The following ZDHHC20 variants were observed in gnomAD, a reference collection of about 807,000 sequenced individuals.
ZDHHC20 encodes the protein zDHHC palmitoyltransferase 20, also known as palmitoyltransferase ZDHHC20.
ZDHHC20 carries 43 observed loss-of-function variants against 57.8 expected under a neutral mutation model. The observed-to-expected ratio is 0.74, with a 90% CI of 0.58 to 0.96. The LOEUF (loss-of-function observed/expected upper bound fraction) is 0.96. ZDHHC20 is among the 40% of genes least tolerant of loss of function. ZDHHC20 has a pLI of 0.00. For synonymous variants in ZDHHC20, 157 were observed against 153.0 expected, an observed-to-expected ratio of 1.03 and a Z score of -0.19; for missense variants, 391 against 441.1, an observed-to-expected ratio of 0.89 and a Z score of 1.02.
intron 7 of ZDHHC20, among the ~76,000 whole-genome samples, chr13:21,394,510 C>T (rs935392648): frequency 3.3e-5 from 5 of 152,106 alleles, no homozygotes; most frequent in African/African-American, 7.2e-5. Context: ...CAGAGATATA[C>T]TACAAGTCTC....
chr13:21,399,422 T>G (rs895164327), intron 7 of ZDHHC20, among the ~76,000 whole-genome samples: 7 of 151,902 alleles, frequency 4.6e-5, no homozygotes, highest in African/African-American at 1.7e-4. Context: ...AAATGGCACA[T>G]GCACAGAGAA....
Position 21,375,425 on chromosome 13 carries a change from T to C in ZDHHC20, c.*1271A>G, listed in dbSNP as rs1469169923. On this transcript the variant is annotated 3_prime_UTR_variant, in exon 13 of 13. Coordinates refer to ENST00000400590, the MANE Select transcript of ZDHHC20 (RefSeq NM_001330059.2). Reference sequence around the variant, plus strand: ...ATTTCTACATTGTTTATTCTGTACTTTTCCTTGGAGTTAATGCAACACCTC... The same window carrying C: ...ATTTCTACATTGTTTATTCTGTACTCTTCCTTGGAGTTAATGCAACACCTC... 1.8e-5 allele frequency: 5 copies of C among 276,338 alleles called. No homozygotes were observed. The highest frequency in any genetic ancestry group is 7.0e-5 in the African/African-American group (3 of 43,154). 17.1% of individuals were successfully genotyped at this position (276,338 alleles called of 1,614,324 possible).
At position 21,405,562 on chromosome 13, in the gene ZDHHC20, TG is replaced by T. The variant is rs112605642; in HGVS notation, c.371-2697del. Among the ~76,000 whole-genome samples, 5 of 152,326 alleles carry T rather than the reference TG, an allele frequency of 3.3e-5. 1 individual carries two copies. Among genetic ancestry groups the T allele is most frequent in the African/African-American group, 1.2e-4 (5 of 41,576 alleles). On this transcript the variant is annotated intron_variant, in intron 4 of 12. Transcript: ENST00000400590. ...TTTTGGGTGTGTTGAAATTACCATA[TG>T]AGTTCTCAGGGTGCTTTTAGTGCAC... is the stretch of plus-strand genomic sequence containing the variant.
At chr13:21,390,392 C>T (rs192368930) in intron 8 of ZDHHC20, 16 of 152,228 alleles carry the variant, frequency 1.1e-4, no homozygotes, top group Admixed American at 9.2e-4. Flanking sequence ...TGTCCAATTA[C>T]GTGAATACCT....
intron 2 of ZDHHC20, among the ~76,000 whole-genome samples, chr13:21,421,545 G>C (rs148238901): frequency 8.0e-4 from 122 of 152,148 alleles, no homozygotes; most frequent in African/African-American, 2.7e-3. Flanking sequence ...TACATCCAAG[G>C]AACTGTCAAC....
At chr13:21,381,992 T>C (rs1873510799) in intron 10 of ZDHHC20, 1 of 502,076 alleles carries the variant, frequency 2.0e-6, no homozygotes, top group Non-Finnish European at 4.0e-6. Context: ...CTTATTTTTC[T>C]AGCTAAAAGA....
intron 1 of ZDHHC20, among the ~76,000 whole-genome samples, chr13:21,448,450 G>A (rs1317486947): frequency 3.0e-5 from 3 of 100,988 alleles, no homozygotes; most frequent in East Asian, 2.8e-4. Context: ...CAGCCGCCCC[G>A]TCCGGGAAGG....
intron 11 of ZDHHC20, among the ~76,000 whole-genome samples, chr13:21,380,937 T>C (rs999194192): frequency 1.3e-5 from 2 of 152,100 alleles, no homozygotes; most frequent in Admixed American, 1.3e-4. Context: ...CTCCTCGCTC[T>C]ATCCCTTCCT....
chr13:21,412,292 A>AGTT (rs1879323759), intron 4 of ZDHHC20, among the ~76,000 whole-genome samples: 1 of 152,220 alleles, frequency 6.6e-6, no homozygotes, highest in Non-Finnish European at 1.5e-5. Flanking sequence ...TAAGAAGGTA[A>AGTT]CTCATTACTG....
At position 21,378,698 on chromosome 13, in the gene ZDHHC20, T is replaced by G. The variant is rs1364915230; in HGVS notation, c.*3A>C. ...CAAATGGTTAGTTATGAACAAGTGG[T>G]ACTCAATTTTCTATTGCCACTGTTA... On this transcript the variant is annotated 3_prime_UTR_variant, in exon 12 of 13. Coordinates refer to ENST00000400590, the MANE Select transcript of ZDHHC20 (RefSeq NM_001330059.2). 7 of 1,470,968 alleles carry G rather than the reference T, an allele frequency of 4.8e-6. No individual in the cohort carries two copies. In the East Asian group the frequency reaches 1.8e-4, roughly 37 times the overall value. The allele number at this position is 1,470,968 out of a possible 1,614,324, so 91.1% of individuals were successfully genotyped here.
chr13:21,377,695 C>G (rs868695488), intron 12 of ZDHHC20: 2 of 194,594 alleles, frequency 1.0e-5, no homozygotes, highest in Non-Finnish European at 2.1e-5. Flanking sequence ...TGATCTGACT[C>G]CGTCCTGGGT....
At chr13:21,419,364 A>G (rs1485563909) in intron 3 of ZDHHC20, among the ~76,000 whole-genome samples, 1 of 152,234 alleles carries the variant, frequency 6.6e-6, no homozygotes, top group African/African-American at 2.4e-5. Context: ...CTAGGCATCT[A>G]TCCAAAAGAA....
intron 7 of ZDHHC20, among the ~76,000 whole-genome samples, chr13:21,398,395 C>T (rs1365326895): frequency 4.6e-5 from 7 of 150,634 alleles, no homozygotes; most frequent in Non-Finnish European, 7.4e-5. Flanking sequence ...ACCCGGGAGG[C>T]GGAGCTGGCA....
chr13:21,408,515 G>A (rs1169173978), intron 4 of ZDHHC20, among the ~76,000 whole-genome samples: 3 of 152,198 alleles, frequency 2.0e-5, no homozygotes, highest in Non-Finnish European at 2.9e-5. Context: ...GAGTTTTGGG[G>A]CTGGGACGAT....
chr13:21,400,388 A>T lies in ZDHHC20; in HGVS notation c.579T>A (p.Phe193Leu), dbSNP rs1046368277. 6.3e-7 allele frequency: 1 copy of T among 1,588,130 alleles called. No homozygotes were observed. Among genetic ancestry groups the T allele is most frequent in the Middle Eastern group, 1.7e-4 (1 of 5,986 alleles). The change falls in exon 7 of 13, where the codon TTT (phenylalanine) becomes TTA (leucine). Residue 193 changes from phenylalanine (F) to leucine (L), a missense_variant. Around this residue, in one of 3 missense-constraint regions of ZDHHC20, gnomAD observed 197 missense variants for 220.8 expected, o/e 0.89. Transcript: ENST00000400590. The part of the protein sequence containing the change: ...LFVAATVLEY[F>L]IKFWTNELTD... ...AAAGACTTACCGTCCAAAATTTTAT[A>T]AAGTACTCTAAAACTGTTGCAGCCA... is the stretch of plus-strand genomic sequence containing the variant.
chr13:21,397,513 T>C (rs987941611), intron 7 of ZDHHC20, among the ~76,000 whole-genome samples: 1 of 151,712 alleles, frequency 6.6e-6, no homozygotes, highest in African/African-American at 2.4e-5. Context: ...AATACAAAAA[T>C]TAGCCGGGCA....
intron 9 of ZDHHC20, among the ~76,000 whole-genome samples, chr13:21,384,633 A>G (rs2137670110): frequency 6.6e-6 from 1 of 152,298 alleles, no homozygotes; most frequent in African/African-American, 2.4e-5. Flanking sequence ...ACAACTGGGA[A>G]TAATGAATGA....
chr13:21,388,664 G>C (rs1252397860), intron 8 of ZDHHC20, among the ~76,000 whole-genome samples: 18 of 152,196 alleles, frequency 1.2e-4, no homozygotes, highest in Admixed American at 1.1e-3. Context: ...GACCTGACCA[G>C]AAACATGTGA....
chr13:21,381,602 A>T, intron 10 of ZDHHC20, 53 bp from the exon 11 acceptor site: 1 of 1,231,582 alleles, frequency 8.1e-7, no homozygotes, highest in Admixed American at 2.0e-5. Context: ...AACTATGGAT[A>T]CTTAATAAAT....
Sources: allele counts gnomAD v4.1 joint callset (sites outside exome capture counted in the v4.1 genomes callset), GRCh38; gene constraint gnomAD v4.1.1; regional missense constraint gnomAD v4.1.1; transcripts MANE v1.5; gene names NCBI Gene and HGNC (gene_info 2026-07-23, HGNC 2026-07-21).